CNTN4: variants seen among roughly 807,000 people sequenced by gnomAD.
CNTN4 encodes the protein contactin-4.
In CNTN4, 77 loss-of-function variants were observed where a neutral mutation model predicts 122.5. The ratio of observed to expected loss-of-function variants is 0.63; its 90% CI spans 0.52 to 0.76. The LOEUF (loss-of-function observed/expected upper bound fraction) is 0.76. Among genes scored for constraint, CNTN4 ranks in the 30% least tolerant of loss-of-function variants. The pLI is 0.00. For synonymous variants in CNTN4, 512 were observed against 447.0 expected, an observed-to-expected ratio of 1.15 and a Z score of -1.83; for missense variants, 1,256 against 1,259.1, an observed-to-expected ratio of 1.00 and a Z score of 0.04.
intron 3 of CNTN4, among the ~76,000 whole-genome samples, chr3:2,441,053 T>C (rs1489723417): frequency 6.6e-6 from 1 of 151,796 alleles, no homozygotes; most frequent in South Asian, 2.1e-4. Context: ...ATTTGATTAA[T>C]GGTTAATTCA....
intron 2 of CNTN4, among the ~76,000 whole-genome samples, chr3:2,225,681 C>G (rs1191337821): frequency 6.6e-6 from 1 of 152,184 alleles, no homozygotes; most frequent in African/African-American, 2.4e-5. Flanking sequence ...TTGATCTAAA[C>G]TTATTCTTTA....
rs74946654 is a variant in CNTN4, at chr3:2,647,791, T to C, written c.55+76233T>C. Among the ~76,000 whole-genome samples, 815 of 152,354 alleles carry C rather than the reference T, an allele frequency of 5.3e-3. 7 individuals carry two copies. The highest frequency in any genetic ancestry group is 0.019 in the African/African-American group (788 of 41,586). On this transcript the variant is annotated intron_variant, in intron 4 of 24. Coordinates refer to ENST00000418658, the MANE Select transcript of CNTN4 (RefSeq NM_175607.3). ...TCTAAATTGCTGTAGAGATACCAGC[T>C]GTCTCTGCTTACTGAAAAGGCAATC...
intron 3 of CNTN4, among the ~76,000 whole-genome samples, chr3:2,568,317 GAAAA>G (rs770465722): frequency 3.7e-4 from 26 of 71,054 alleles, no homozygotes; most frequent in African/African-American, 1.3e-3. Context: ...GCAAGAATGT[GAAAA>G]AAAAAAAAAA....
intron 3 of CNTN4, among the ~76,000 whole-genome samples, chr3:2,452,677 C>T (rs376828700): frequency 1.5e-4 from 23 of 152,210 alleles, no homozygotes; most frequent in East Asian, 1.2e-3. Context: ...TCTACCCTTT[C>T]GGAATCAATC....
chr3:2,850,828 G>C (rs2093537600), intron 7 of CNTN4, among the ~76,000 whole-genome samples: 1 of 152,140 alleles, frequency 6.6e-6, no homozygotes, highest in Non-Finnish European at 1.5e-5. Flanking sequence ...CATCTTGCCA[G>C]AGATGGATTT....
At chr3:2,922,063 G>A (rs1004227200) in intron 12 of CNTN4, among the ~76,000 whole-genome samples, 1 of 152,144 alleles carries the variant, frequency 6.6e-6, no homozygotes, top group African/African-American at 2.4e-5. Context: ...CCCTCTAGCA[G>A]TGCATGTGAG....
intron 3 of CNTN4, among the ~76,000 whole-genome samples, chr3:2,568,356 C>G (rs574316331): frequency 7.4e-6 from 1 of 135,784 alleles, no homozygotes; most frequent in African/African-American, 2.7e-5. Context: ...CTGTACAATT[C>G]TCAGTTATTC....
rs339287 is a variant in CNTN4 at position 3,039,832 on chromosome 3, A to G, written c.2164-205A>G. 0.16 allele frequency: 91,668 copies of G among 573,194 alleles called. 10,286 individuals are homozygous for G. The highest frequency in any genetic ancestry group is 0.45 in the African/African-American group (24,092 of 53,642). The allele number at this position is 573,194 out of a possible 1,614,324, so 35.5% of individuals were successfully genotyped here. A position where few individuals can be genotyped will look rare whatever the true frequency, so the allele number is the denominator to read the frequency against. On this transcript the variant is annotated intron_variant, in intron 19 of 24. Transcript: ENST00000418658. Reference sequence around the variant, plus strand: ...AGCAAGCTCTGGACTGCAGATCCTCATTACGTTTTCAACCCTGTCCAGTAC... The same window carrying G: ...AGCAAGCTCTGGACTGCAGATCCTCGTTACGTTTTCAACCCTGTCCAGTAC...
intron 3 of CNTN4, among the ~76,000 whole-genome samples, chr3:2,373,777 C>T (rs571854369): frequency 1.3e-5 from 2 of 152,218 alleles, no homozygotes; most frequent in South Asian, 2.1e-4. Context: ...TATGTGGAAG[C>T]ATTTTAAGGA....
rs1044536559 is a variant in CNTN4, at chr3:3,037,398, C to A, written c.2092+70C>A. On this transcript the variant is annotated intron_variant, in intron 18 of 24. Transcript: ENST00000418658. ...GTTCCTTAGGAAAAGCGTTTGAATT[C>A]TTGCTGCTCTTCAGCGCTCATGCGG... 3.1e-6 allele frequency: 5 copies of A among 1,596,044 alleles called. No individual in the cohort carries two copies. In the East Asian group the frequency reaches 6.7e-5, roughly 21 times the overall value.
rs1380607451 is a variant in CNTN4, at chr3:3,057,278, T to G, written c.*1058T>G. 3 of 152,672 alleles carry G rather than the reference T, an allele frequency of 2.0e-5. No homozygotes were observed. Among genetic ancestry groups the G allele is most frequent in the Non-Finnish European group, 2.9e-5 (2 of 68,044 alleles). 9.5% of individuals were successfully genotyped at this position (152,672 alleles called of 1,614,324 possible). A position where few individuals can be genotyped will look rare whatever the true frequency, so the allele number is the denominator to read the frequency against. The stretch of plus-strand genomic sequence containing the variant: ...CATATGGACTTTGGAAGATTGCTCC[T>G]ATTTCAACAAATAGTTGCTGCAAGA... On this transcript the variant is annotated 3_prime_UTR_variant, in exon 25 of 25. Coordinates refer to ENST00000418658, the MANE Select transcript of CNTN4 (RefSeq NM_175607.3).
chr3:2,525,895 T>C (rs190887485), intron 3 of CNTN4, among the ~76,000 whole-genome samples: 224 of 152,230 alleles, frequency 1.5e-3, no homozygotes, highest in African/African-American at 5.2e-3. Context: ...AACACATGCT[T>C]ACATTGTCAC....
At chr3:2,823,834 A>G (rs1366385452) in intron 7 of CNTN4, among the ~76,000 whole-genome samples, 2 of 152,158 alleles carry the variant, frequency 1.3e-5, no homozygotes, top group African/African-American at 4.8e-5. Flanking sequence ...TTATGTCACC[A>G]AGATGCTTGC....
At chr3:2,239,539 G>A (rs1339519033) in intron 2 of CNTN4, among the ~76,000 whole-genome samples, 1 of 152,114 alleles carries the variant, frequency 6.6e-6, no homozygotes, top group African/African-American at 2.4e-5. Flanking sequence ...CAAGCTTTGG[G>A]ATCTTGGGCA....
chr3:2,843,596 G>T (rs115327320), intron 7 of CNTN4, among the ~76,000 whole-genome samples: 1 of 152,156 alleles, frequency 6.6e-6, no homozygotes, highest in Non-Finnish European at 1.5e-5. Flanking sequence ...GCTCAGTGCC[G>T]TCCTCACAAC....
chr3:2,686,765 G>C (rs2085453275), intron 4 of CNTN4, among the ~76,000 whole-genome samples: 2 of 152,164 alleles, frequency 1.3e-5, no homozygotes, highest in South Asian at 4.1e-4. Context: ...CACATGCAAA[G>C]TTTGACCATG....
At chr3:2,887,302 C>G (rs879071577) in intron 10 of CNTN4, 78 bp downstream of exon 10, 1 of 1,373,208 alleles carries the variant, frequency 7.3e-7, no homozygotes, top group Non-Finnish European at 1.0e-6. Flanking sequence ...GAGAGGCATT[C>G]AGGCATTTTG....
intron 4 of CNTN4, among the ~76,000 whole-genome samples, chr3:2,617,684 G>C (rs913337641): frequency 6.6e-6 from 1 of 152,004 alleles, no homozygotes; most frequent in Non-Finnish European, 1.5e-5. Context: ...GCCTCCCAAA[G>C]TGCTGGGATT....
chr3:2,720,756 T>C (rs138900555), intron 4 of CNTN4, among the ~76,000 whole-genome samples: 185 of 152,330 alleles, frequency 1.2e-3, no homozygotes, highest in African/African-American at 4.3e-3. Context: ...CATACTTGTG[T>C]AAGAATTATT....
Sources: allele counts gnomAD v4.1 joint callset (sites outside exome capture counted in the v4.1 genomes callset), GRCh38; gene constraint gnomAD v4.1.1; transcripts MANE v1.5; gene names NCBI Gene and HGNC (gene_info 2026-07-23, HGNC 2026-07-21).